Variants in TOX3 observed in about 807,000 individuals in gnomAD.
The protein encoded by TOX3 is TOX high mobility group box family member 3.
In TOX3, 22 loss-of-function variants were observed where a neutral mutation model predicts 64.3. The ratio of observed to expected loss-of-function variants is 0.34; its 90% CI spans 0.24 to 0.49. The LOEUF (loss-of-function observed/expected upper bound fraction) is 0.49, where lower values mean the gene tolerates loss of function less well. Ranked by LOEUF, TOX3 falls within the 20% of genes least tolerant of loss-of-function variation. TOX3 has a pLI of 0.99. For missense variants in TOX3, 661 were observed against 714.4 expected (o/e 0.93, Z 0.85); for synonymous variants, 291 against 273.6 (o/e 1.06, Z -0.63).
chr16:52,547,187 C>T (rs1447305803), upstream of TOX3, among the ~76,000 whole-genome samples: 1 of 141,504 alleles, frequency 7.1e-6, no homozygotes, highest in Admixed American at 6.9e-5. Flanking sequence ...CCTGCCTCAG[C>T]CGCCGGTCCC....
intron 1 of TOX3, among the ~76,000 whole-genome samples, chr16:52,525,833 A>G (rs1160776816): frequency 6.6e-6 from 1 of 152,224 alleles, no homozygotes; most frequent in Non-Finnish European, 1.5e-5. Flanking sequence ...ACGATTAGGA[A>G]AAAAATATGC....
At chr16:52,461,298 G>A (rs1376753860) in intron 3 of TOX3, among the ~76,000 whole-genome samples, 1 of 152,080 alleles carries the variant, frequency 6.6e-6, no homozygotes, top group Non-Finnish European at 1.5e-5. Flanking sequence ...AGCAAATCAA[G>A]GTTGTTCTTT....
chr16:52,491,340 T>C (rs954785862), intron 1 of TOX3, among the ~76,000 whole-genome samples: 1 of 152,128 alleles, frequency 6.6e-6, no homozygotes, highest in East Asian at 1.9e-4. Context: ...CTATGATTGG[T>C]TTCTTTGTCT....
intron 1 of TOX3, among the ~76,000 whole-genome samples, chr16:52,475,984 C>A (rs1373482501): frequency 6.6e-6 from 1 of 152,094 alleles, no homozygotes; most frequent in Non-Finnish European, 1.5e-5. Flanking sequence ...ATGGAAATTC[C>A]TTTTTTTAAA....
chr16:52,486,860 C>A (rs1281456067), intron 1 of TOX3, among the ~76,000 whole-genome samples: 1 of 152,044 alleles, frequency 6.6e-6, no homozygotes, highest in African/African-American at 2.4e-5. Flanking sequence ...CACTTGAGCC[C>A]TGGAAGTTGA....
chr16:52,526,907 A>C (rs1321635018), intron 1 of TOX3, among the ~76,000 whole-genome samples: 1 of 152,242 alleles, frequency 6.6e-6, no homozygotes, highest in Admixed American at 6.5e-5. Context: ...AAGAACATTA[A>C]ATGTTAGCAT....
chr16:52,505,465 A>T (rs1962134420), intron 1 of TOX3, among the ~76,000 whole-genome samples: 1 of 152,216 alleles, frequency 6.6e-6, no homozygotes, highest in Non-Finnish European at 1.5e-5. Context: ...AAACAAACTG[A>T]TTGACAATTC....
At position 52,505,747 on chromosome 16, in the gene TOX3, C is replaced by T. The variant is rs1962143665; in HGVS notation, c.88-37173G>A. On this transcript the variant is annotated intron_variant, in intron 1 of 6. Coordinates refer to ENST00000219746, the MANE Select transcript of TOX3 (RefSeq NM_001080430.4). ...ATCCCAGCACTTTGGGAGATCGAGG[C>T]AGGCAGATCACTTAAGCCCAGCAGT... Among the ~76,000 whole-genome samples, 4 of 152,172 alleles carry T rather than the reference C, an allele frequency of 2.6e-5. No individual in the cohort carries two copies. The South Asian group carries it at 8.3e-4, about 32-fold the overall frequency.
rs538686358 is a variant in TOX3 at position 52,438,757 on chromosome 16, G to A, written c.*468C>T. The A allele has an allele frequency of 3.5e-5, 7 of 197,434 alleles. No individual in the cohort carries two copies. The highest frequency in any genetic ancestry group is 6.5e-5 in the Non-Finnish European group (6 of 92,362). 12.2% of individuals were successfully genotyped at this position (197,434 alleles called of 1,614,324 possible). A position where few individuals can be genotyped will look rare whatever the true frequency, so the allele number is the denominator to read the frequency against. ...CATCAACTATTCACGTCATACAAAT[G>A]TTTGTATGAAACTGGATCTTCATAT... On this transcript the variant is annotated 3_prime_UTR_variant, in exon 7 of 7. Transcript: ENST00000219746.
At chr16:52,462,416 C>T (rs961498328) in intron 3 of TOX3, among the ~76,000 whole-genome samples, 33 of 152,032 alleles carry the variant, frequency 2.2e-4, no homozygotes, top group African/African-American at 6.5e-4. Flanking sequence ...AAAATGCCTC[C>T]TTTACACTTT....
At chr16:52,441,827 G>A (rs1482242944) in intron 6 of TOX3, among the ~76,000 whole-genome samples, 1 of 152,098 alleles carries the variant, frequency 6.6e-6, no homozygotes, top group Non-Finnish European at 1.5e-5. Flanking sequence ...CCCCTTCAGT[G>A]GGCAGCTCTC....
intron 2 of TOX3, among the ~76,000 whole-genome samples, chr16:52,465,084 G>A (rs1467153765): frequency 7.9e-6 from 1 of 126,984 alleles, no homozygotes. Flanking sequence ...GTGCCATCTC[G>A]GCTCACTGCA....
At chr16:52,466,629 C>A (rs1960872200) in intron 2 of TOX3, among the ~76,000 whole-genome samples, 2 of 152,076 alleles carry the variant, frequency 1.3e-5, no homozygotes, top group Non-Finnish European at 2.9e-5. Flanking sequence ...CTATGCTAAG[C>A]AGTCATAATT....
chr16:52,484,232 C>G (rs1961447801), intron 1 of TOX3, among the ~76,000 whole-genome samples: 2 of 152,136 alleles, frequency 1.3e-5, no homozygotes, highest in African/African-American at 4.8e-5. Context: ...GATAAATATT[C>G]TAGAAAGGTT....
intron 1 of TOX3, among the ~76,000 whole-genome samples, chr16:52,523,495 G>A (rs567849841): frequency 1.3e-5 from 2 of 152,172 alleles, no homozygotes; most frequent in African/African-American, 2.4e-5. Context: ...GTTATTCAAG[G>A]AGGTCAGTCC....
At chr16:52,500,185 C>T (rs1320625897) in intron 1 of TOX3, among the ~76,000 whole-genome samples, 2 of 152,142 alleles carry the variant, frequency 1.3e-5, no homozygotes, top group African/African-American at 4.8e-5. Flanking sequence ...GAAGTCACAT[C>T]GCATCAAATG....
intron 1 of TOX3, among the ~76,000 whole-genome samples, chr16:52,498,227 C>T (rs1227141492): frequency 2.0e-5 from 3 of 152,104 alleles, no homozygotes; most frequent in African/African-American, 7.2e-5. Flanking sequence ...CACTTCAAGC[C>T]GTAGTTATAC....
intron 1 of TOX3, among the ~76,000 whole-genome samples, chr16:52,472,998 G>T (rs1038965798): frequency 2.0e-5 from 3 of 152,186 alleles, no homozygotes; most frequent in Non-Finnish European, 4.4e-5. Context: ...GCTGCTTGAT[G>T]AGTAATTATA....
At chr16:52,495,891 C>G (rs1208041331) in intron 1 of TOX3, among the ~76,000 whole-genome samples, 1 of 152,164 alleles carries the variant, frequency 6.6e-6, no homozygotes, top group Admixed American at 6.5e-5. Context: ...CGTTTATTCT[C>G]ACAAGAATTT....
Sources: gnomAD v4.1 joint callset for allele counts (sites outside exome capture counted in the v4.1 genomes callset) on GRCh38, gnomAD v4.1.1 for gene constraint, MANE v1.5 for transcripts, NCBI Gene and HGNC (gene_info 2026-07-23, HGNC 2026-07-21) for gene names.